Variants in TMEM217 observed in about 807,000 individuals in gnomAD.
The protein encoded by TMEM217 is chromosome 6 open reading frame 128.
For missense variants in TMEM217, 204 were observed against 248.8 expected (o/e 0.82, Z 1.21); for synonymous variants, 76 against 88.3 (o/e 0.86, Z 0.78).
chr6:37,215,140 C>T, downstream of TMEM217: 1 of 1,600,774 alleles, frequency 6.2e-7, no homozygotes, highest in South Asian at 1.1e-5. Context: ...AATGGCCTAA[C>T]TTCCCTTTCT....
chr6:37,236,935 A>T (rs1228957106), intron 1 of TMEM217, among the ~76,000 whole-genome samples: 1 of 152,156 alleles, frequency 6.6e-6, no homozygotes, highest in Non-Finnish European at 1.5e-5. Flanking sequence ...GTGCCCATCC[A>T]TGTGGGCTTC....
At chr6:37,219,443 C>T (rs1363065150) in intron 1 of TMEM217, among the ~76,000 whole-genome samples, 2 of 152,102 alleles carry the variant, frequency 1.3e-5, no homozygotes, top group African/African-American at 4.8e-5. Flanking sequence ...AAAAAGATGG[C>T]TTAAATTATG....
At chr6:37,237,883 A>C (rs1311571459) in intron 1 of TMEM217, among the ~76,000 whole-genome samples, 4 of 152,198 alleles carry the variant, frequency 2.6e-5, no homozygotes, top group African/African-American at 9.6e-5. Context: ...ACTGTATGAA[A>C]AGCAAAGTGA....
downstream of TMEM217, among the ~76,000 whole-genome samples, chr6:37,216,024 TGTGTGTGTGA>T (rs1307386408): frequency 1.0e-5 from 1 of 96,094 alleles, no homozygotes; most frequent in Admixed American, 1.1e-4. Flanking sequence ...TGTGTGTGTG[TGTGTGTGTGA>T]GAAACAGATA....
At chr6:37,233,892 T>C (rs1240668927) in intron 1 of TMEM217, among the ~76,000 whole-genome samples, 2 of 152,202 alleles carry the variant, frequency 1.3e-5, no homozygotes, top group Admixed American at 6.5e-5. Flanking sequence ...AAAACAATAC[T>C]TGGAGTACCC....
intron 1 of TMEM217, among the ~76,000 whole-genome samples, chr6:37,245,457 C>T (rs1406060269): frequency 6.6e-6 from 1 of 152,230 alleles, no homozygotes; most frequent in East Asian, 1.9e-4. Flanking sequence ...CCTCCCGATT[C>T]GAAGTCTAGA....
At chr6:37,248,928 A>G (rs966061152) in intron 1 of TMEM217, among the ~76,000 whole-genome samples, 2 of 152,226 alleles carry the variant, frequency 1.3e-5, no homozygotes, top group Non-Finnish European at 2.9e-5. Flanking sequence ...AGTCTCTGGC[A>G]GAGAATCCTT....
intron 1 of TMEM217, among the ~76,000 whole-genome samples, chr6:37,243,077 C>T (rs967042390): frequency 6.6e-6 from 1 of 152,082 alleles, no homozygotes; most frequent in African/African-American, 2.4e-5. Flanking sequence ...TTTATGCCCA[C>T]ACTGTGAACA....
At chr6:37,221,190 C>CT (rs1159972171) in intron 1 of TMEM217, among the ~76,000 whole-genome samples, 8,926 of 143,434 alleles carry the variant, frequency 0.062, 297 homozygotes, top group Middle Eastern at 0.11. Flanking sequence ...TAAGTGGAGT[C>CT]TTTTTTTTTT....
chr6:37,223,367 A>G (rs1057339633), intron 1 of TMEM217, among the ~76,000 whole-genome samples: 1 of 152,244 alleles, frequency 6.6e-6, no homozygotes, highest in African/African-American at 2.4e-5. Context: ...AAAAGCAGCC[A>G]ATGGGCTTTT....
chr6:37,213,331 A>G (rs1195297921), downstream of TMEM217, among the ~76,000 whole-genome samples: 3 of 152,204 alleles, frequency 2.0e-5, no homozygotes, highest in Non-Finnish European at 2.9e-5. Context: ...TGTATTGAGG[A>G]TAACGATGGT....
At chr6:37,239,866 G>A (rs1044766920) in intron 1 of TMEM217, among the ~76,000 whole-genome samples, 3 of 150,918 alleles carry the variant, frequency 2.0e-5, no homozygotes, top group Non-Finnish European at 2.9e-5. Context: ...ACCAGCCTGG[G>A]CAACATGGTG....
chr6:37,252,640 T>A (rs67230905), intron 1 of TMEM217, among the ~76,000 whole-genome samples: 66 of 48,586 alleles, frequency 1.4e-3, no homozygotes, highest in South Asian at 2.9e-3. Context: ...TATATATATT[T>A]TTTTTTTTTT....
At chr6:37,228,986 G>C (rs1583453404) in intron 1 of TMEM217, among the ~76,000 whole-genome samples, 1 of 151,396 alleles carries the variant, frequency 6.6e-6, no homozygotes, top group South Asian at 2.1e-4. Flanking sequence ...GACAGAGAGA[G>C]ACTCCGTCTC....
chr6:37,257,777 C>G (rs909077502), exon 1 of TMEM217: 1 of 913,818 alleles, frequency 1.1e-6, no homozygotes, highest in African/African-American at 1.7e-5. Context: ...TGCCCACATC[C>G]AAGATGGCGT....
rs1369465320 is a variant in TMEM217, at chr6:37,229,346, T to TTTTG, written c.-11-10306_-11-10305insCAAA. Reference sequence around the variant, plus strand: ...CCTAGCAACTTTCAGTTTTTTTTTTTTTTTTTTTTTTTTTGAGACAGTGTC... The same window carrying TTTTG: ...CCTAGCAACTTTCAGTTTTTTTTTTTTTTGTTTTTTTTTTTTTTGAGACAGTGTC... On this transcript the variant is annotated intron_variant, in intron 1 of 1. Transcript: ENST00000357219. Among the ~76,000 whole-genome samples the TTTTG allele has an allele frequency of 5.9e-4, 76 of 128,252 alleles. 4 individuals are homozygous for TTTTG. The highest frequency in any genetic ancestry group is 2.3e-3 in the African/African-American group (74 of 32,564). 84.1% of individuals were successfully genotyped at this position (128,252 alleles called of 152,430 possible). A position where few individuals can be genotyped will look rare whatever the true frequency, so the allele number is the denominator to read the frequency against.
chr6:37,250,869 T>G (rs1765362165), intron 1 of TMEM217, among the ~76,000 whole-genome samples: 1 of 152,274 alleles, frequency 6.6e-6, no homozygotes, highest in Middle Eastern at 3.2e-3. Context: ...TAGTAGTTGA[T>G]GCTATGGAGT....
exon 1 of TMEM217, chr6:37,258,044 C>A: frequency 1.3e-6 from 2 of 1,543,070 alleles, no homozygotes; most frequent in Admixed American, 1.9e-5. Context: ...CTGAATCCCG[C>A]GGGCCTGGGG....
Position 37,218,421 on chromosome 6 carries a change from C to T in TMEM217, c.*1G>A. 4.4e-6 allele frequency: 7 copies of T among 1,592,316 alleles called. No homozygotes were observed. The highest frequency in any genetic ancestry group is 6.0e-6 in the Non-Finnish European group (7 of 1,166,870). ...TGAACTCCTGACCTCAGGCGATCCA[C>T]CTACCTCTGCCTCTCAAAGTACTGG... On this transcript the variant is annotated 3_prime_UTR_variant, in exon 2 of 2. Transcript: ENST00000357219.
Sources: gnomAD v4.1 joint callset for allele counts (sites outside exome capture counted in the v4.1 genomes callset) on GRCh38, gnomAD v4.1.1 for gene constraint, MANE v1.5 for transcripts, NCBI Gene and HGNC (gene_info 2026-07-23, HGNC 2026-07-21) for gene names.